Variants in PDE7B observed in about 807,000 individuals in gnomAD.
PDE7B encodes the protein phosphodiesterase 7B, also known as 3',5'-cyclic-AMP phosphodiesterase 7B.
Under a neutral mutation model 56.2 loss-of-function variants are expected in PDE7B, and 29 were observed. That is an observed-to-expected ratio of 0.52 (90% CI 0.38 to 0.70). PDE7B has a LOEUF of 0.70. Ranked by LOEUF, PDE7B falls within the 30% of genes least tolerant of loss-of-function variation. The pLI is 0.00. For synonymous variants in PDE7B, 197 were observed against 196.9 expected (o/e 1.00, Z 0.00); for missense variants, 490 against 565.0 (o/e 0.87, Z 1.35).
At chr6:136,044,790 C>A (rs1227104347) in intron 2 of PDE7B, 7 of 152,122 alleles carry the variant, frequency 4.6e-5, no homozygotes, top group East Asian at 1.9e-4. Flanking sequence ...GACTCCTGAA[C>A]ATAATTTCAA....
intron 1 of PDE7B, among the ~76,000 whole-genome samples, chr6:135,922,821 GA>G (rs1774111260): frequency 6.6e-6 from 1 of 152,262 alleles, no homozygotes; most frequent in Admixed American, 6.5e-5. Context: ...AAGTGCTCAA[GA>G]AAACCATAAA....
intron 1 of PDE7B, among the ~76,000 whole-genome samples, chr6:135,943,966 C>T (rs75354736): frequency 0.01 from 1,582 of 152,212 alleles, 31 homozygotes; most frequent in African/African-American, 0.036. Context: ...ATAACTATGC[C>T]CTATTATCTG....
intron 2 of PDE7B, among the ~76,000 whole-genome samples, chr6:136,038,826 G>A (rs1776370817): frequency 1.3e-5 from 2 of 152,150 alleles, no homozygotes; most frequent in Admixed American, 1.3e-4. Flanking sequence ...CCAAGGAGGG[G>A]GTGGAATTGG....
intron 2 of PDE7B, among the ~76,000 whole-genome samples, chr6:136,047,679 C>A (rs1300660693): frequency 2.0e-5 from 3 of 152,088 alleles, no homozygotes; most frequent in African/African-American, 7.2e-5. Flanking sequence ...AAGCATCAAC[C>A]AAATAGGTGT....
intron 1 of PDE7B, among the ~76,000 whole-genome samples, chr6:135,859,356 C>T (rs571041197): frequency 2.6e-5 from 4 of 152,148 alleles, no homozygotes; most frequent in Admixed American, 1.3e-4. Flanking sequence ...TAGCTTCATT[C>T]GGAAAAGTGT....
chr6:135,962,026 A>G (rs530633555), intron 2 of PDE7B, among the ~76,000 whole-genome samples: 33 of 152,296 alleles, frequency 2.2e-4, no homozygotes, highest in Non-Finnish European at 1.5e-4. Flanking sequence ...AGGTTCATCA[A>G]TTATAACAAA....
chr6:136,146,919 T>C (rs1237765369), intron 3 of PDE7B, among the ~76,000 whole-genome samples: 1 of 152,162 alleles, frequency 6.6e-6, no homozygotes, highest in Admixed American at 6.5e-5. Flanking sequence ...TCTCCTATAA[T>C]CCCAGCACTT....
intron 9 of PDE7B, 72 bp from the exon 10 acceptor site, chr6:136,178,925 G>T: frequency 6.6e-7 from 1 of 1,510,228 alleles, no homozygotes; most frequent in Non-Finnish European, 9.2e-7. Flanking sequence ...ACCTGATGAT[G>T]ATAAAATCAA....
At chr6:135,935,667 A>G (rs1013593372) in intron 1 of PDE7B, among the ~76,000 whole-genome samples, 4 of 152,210 alleles carry the variant, frequency 2.6e-5, no homozygotes, top group African/African-American at 7.2e-5. Flanking sequence ...TCAAATATTG[A>G]TCTTGCCAAA....
chr6:135,960,684 A>G (rs190973333), intron 2 of PDE7B, among the ~76,000 whole-genome samples: 1 of 152,206 alleles, frequency 6.6e-6, no homozygotes, highest in African/African-American at 2.4e-5. Context: ...AAGTTAACGT[A>G]TCTGTACAAA....
chr6:135,872,296 G>A (rs1775397776), intron 1 of PDE7B, among the ~76,000 whole-genome samples: 1 of 152,170 alleles, frequency 6.6e-6, no homozygotes, highest in Admixed American at 6.5e-5. Context: ...TAAGCAGGGA[G>A]AATTCCTGTT....
chr6:136,141,921 T>A (rs887068683), intron 3 of PDE7B, among the ~76,000 whole-genome samples: 13 of 136,132 alleles, frequency 9.5e-5, no homozygotes, highest in Non-Finnish European at 1.7e-4. Flanking sequence ...CTGGATTCAT[T>A]GATTTTTTGA....
chr6:135,989,813 T>A (rs1775448657), intron 2 of PDE7B, among the ~76,000 whole-genome samples: 2 of 152,192 alleles, frequency 1.3e-5, no homozygotes, highest in African/African-American at 4.8e-5. Context: ...GGTTTCTCTC[T>A]ATTTTCTTGG....
intron 11 of PDE7B, among the ~76,000 whole-genome samples, chr6:136,183,797 TA>T (rs886070457): frequency 6.6e-6 from 1 of 152,102 alleles, no homozygotes; most frequent in African/African-American, 2.4e-5. Context: ...CACAGACTAC[TA>T]ACTGTCCTGG....
chr6:135,890,155 A>G (rs776773516), intron 1 of PDE7B, among the ~76,000 whole-genome samples: 4 of 152,194 alleles, frequency 2.6e-5, no homozygotes, highest in South Asian at 2.1e-4. Context: ...ATGATACATG[A>G]TTCACAATAA....
At chr6:136,108,125 C>CAAAAAA (rs60727586) in intron 2 of PDE7B, among the ~76,000 whole-genome samples, 11 of 108,566 alleles carry the variant, frequency 1.0e-4, no homozygotes, top group Non-Finnish European at 1.1e-4. Flanking sequence ...GACTCCATGT[C>CAAAAAA]AAAAAAAAAA....
chr6:136,135,408 G>A (rs1262062156), intron 3 of PDE7B, among the ~76,000 whole-genome samples: 1 of 151,842 alleles, frequency 6.6e-6, no homozygotes, highest in Non-Finnish European at 1.5e-5. Flanking sequence ...ACTAAGCCTA[G>A]CAAATGCCCT....
intron 1 of PDE7B, among the ~76,000 whole-genome samples, chr6:135,900,814 G>C (rs1396836605): frequency 1.3e-5 from 2 of 151,860 alleles, no homozygotes; most frequent in Non-Finnish European, 2.9e-5. Flanking sequence ...TGGCCTCAGA[G>C]CTCTCACTTA....
chr6:136,073,178 T>A, intron 2 of PDE7B, among the ~76,000 whole-genome samples: 1 of 152,032 alleles, frequency 6.6e-6, no homozygotes, highest in Non-Finnish European at 1.5e-5. Context: ...ACAAGCAAAG[T>A]CCTCCATCTG....
Sources: allele counts gnomAD v4.1 joint callset (sites outside exome capture counted in the v4.1 genomes callset), GRCh38; gene constraint gnomAD v4.1.1; transcripts MANE v1.5; gene names NCBI Gene and HGNC (gene_info 2026-07-23, HGNC 2026-07-21).